Variants in GALNT18 observed in about 807,000 individuals in gnomAD.
GALNT18 encodes the protein polypeptide N-acetylgalactosaminyltransferase 18, also known as GalNAc-transferase 18.
In GALNT18, 44 loss-of-function variants were observed where a neutral mutation model predicts 69.5. That is an observed-to-expected ratio of 0.63 (90% confidence interval 0.50 to 0.81). The LOEUF is 0.81. GALNT18 is among the 40% of genes least tolerant of loss of function. The pLI is 0.00. For synonymous variants in GALNT18, 364 were observed against 318.2 expected (o/e 1.14, Z -1.53); for missense variants, 715 against 810.0 (o/e 0.88, Z 1.42).
In GALNT18 at chr11:11,341,594, T is replaced by A. The variant is rs1285617289; in HGVS notation, c.1093-590A>T. 6.6e-6 allele frequency among the ~76,000 whole-genome samples: 1 copy of A among 152,172 alleles called. No homozygotes were observed. Among genetic ancestry groups the A allele is most frequent in the Non-Finnish European group, 1.5e-5 (1 of 68,020 alleles). On this transcript the variant is annotated intron_variant, in intron 6 of 10. Coordinates refer to ENST00000227756, the MANE Select transcript of GALNT18 (RefSeq NM_198516.3). The surrounding 1 kb of genome is among the most constrained non-coding windows in gnomAD (Gnocchi z 6.3). ...ATATTAAACTTCTTAGCAACCTTGG[T>A]GAATAGGAGATTGATCCGAATGCAA...
intron 3 of GALNT18, among the ~76,000 whole-genome samples, chr11:11,393,687 G>A (rs1366618562): frequency 6.6e-6 from 1 of 152,238 alleles, no homozygotes; most frequent in African/African-American, 2.4e-5. Context: ...ATCAGGACAG[G>A]TGGGATGGAC....
chr11:11,553,458 G>C (rs559056287), intron 1 of GALNT18, among the ~76,000 whole-genome samples: 2 of 152,350 alleles, frequency 1.3e-5, no homozygotes, highest in Non-Finnish European at 2.9e-5. Flanking sequence ...CCAGGGCATG[G>C]ACGGGACCCA....
Position 11,564,368 on chromosome 11 carries a change from C to G in GALNT18, c.235+56991G>C, listed in dbSNP as rs921585978. Among the ~76,000 whole-genome samples the G allele has an allele frequency of 6.6e-6, 1 of 152,162 alleles. No homozygotes were observed. Among genetic ancestry groups the G allele is most frequent in the Non-Finnish European group, 1.5e-5 (1 of 68,024 alleles). On this transcript the variant is annotated intron_variant, in intron 1 of 10. Coordinates refer to ENST00000227756, the MANE Select transcript of GALNT18 (RefSeq NM_198516.3). This position sits in a 1 kb window ranked among gnomAD's most constrained non-coding sequence, Gnocchi z 4.3. The stretch of plus-strand genomic sequence containing the variant: ...TCTGCTGGCAACTCCAGCTGAGAAC[C>G]CAAATCCCCGGAAGGATTCCAGGCA...
At chr11:11,530,323 C>T (rs949907218) in intron 1 of GALNT18, among the ~76,000 whole-genome samples, 1 of 152,184 alleles carries the variant, frequency 6.6e-6, no homozygotes, top group African/African-American at 2.4e-5. Context: ...GGAAGGCAGT[C>T]CTCTTCCCTG....
At chr11:11,409,134 A>C (rs576801871) in intron 3 of GALNT18, among the ~76,000 whole-genome samples, 3 of 152,200 alleles carry the variant, frequency 2.0e-5, no homozygotes, top group Admixed American at 1.3e-4. Flanking sequence ...CTACCAACAG[A>C]TGCCACTCCC....
At position 11,494,096 on chromosome 11, in the gene GALNT18, A is replaced by G. The variant is rs1856826165; in HGVS notation, c.236-45160T>C. Among the ~76,000 whole-genome samples the G allele has an allele frequency of 6.6e-6, 1 of 152,224 alleles. No individual in the cohort carries two copies. Among genetic ancestry groups the G allele is most frequent in the Non-Finnish European group, 1.5e-5 (1 of 68,040 alleles). On this transcript the variant is annotated intron_variant, in intron 1 of 10. Transcript: ENST00000227756. The surrounding 1 kb of genome is among the most constrained non-coding windows in gnomAD (Gnocchi z 5.7). ...GGATTTAGTGAAGCCATGCATATAAAGAACTTAGCACAGTACCTTGCATAT... is the reference window on the plus strand; with the variant it reads ...GGATTTAGTGAAGCCATGCATATAAGGAACTTAGCACAGTACCTTGCATAT...
rs191022196 is a variant in GALNT18 at position 11,577,680 on chromosome 11, C to A, written c.235+43679G>T. Reference sequence around the variant, plus strand: ...ATCGATTCAGAAGGGCTGGAGGATTCGGGACCATGCCCTAGGAAAGAGGGA... The same window carrying A: ...ATCGATTCAGAAGGGCTGGAGGATTAGGGACCATGCCCTAGGAAAGAGGGA... On this transcript the variant is annotated intron_variant, in intron 1 of 10. Coordinates refer to ENST00000227756, the MANE Select transcript of GALNT18 (RefSeq NM_198516.3). Among the ~76,000 whole-genome samples the A allele has an allele frequency of 3.2e-4, 48 of 152,282 alleles. No homozygotes were observed. In the East Asian group the frequency reaches 8.5e-3, roughly 27 times the overall value.
In GALNT18 at chr11:11,341,759, T is replaced by C. The variant is rs1411830825; in HGVS notation, c.1093-755A>G. 6.6e-6 allele frequency among the ~76,000 whole-genome samples: 1 copy of C among 152,106 alleles called. No homozygotes were observed. Among genetic ancestry groups the C allele is most frequent in the Non-Finnish European group, 1.5e-5 (1 of 68,026 alleles). On this transcript the variant is annotated intron_variant, in intron 6 of 10. Transcript: ENST00000227756. The surrounding 1 kb of genome is among the most constrained non-coding windows in gnomAD (Gnocchi z 6.3). ...TTTTGTGCTTCTAGGCTTTGCTCCATTCTGCTGGTAATTTTAGAATGCCCC... is the reference window on the plus strand; with the variant it reads ...TTTTGTGCTTCTAGGCTTTGCTCCACTCTGCTGGTAATTTTAGAATGCCCC...
chr11:11,432,507 A>G lies in GALNT18; in HGVS notation c.595+114T>C. The G allele has an allele frequency of 1.9e-6, 2 of 1,070,100 alleles. No homozygotes were observed. Among genetic ancestry groups the G allele is most frequent in the Non-Finnish European group, 2.7e-6 (2 of 750,540 alleles). 66.3% of individuals were successfully genotyped at this position (1,070,100 alleles called of 1,614,324 possible). A position where few individuals can be genotyped will look rare whatever the true frequency, so the allele number is the denominator to read the frequency against. ...ACCATGAATTTCTCATCTATGCTCC[A>G]GAGAAAGAGCAGCCACAGACAGCCT... is the stretch of plus-strand genomic sequence containing the variant. On this transcript the variant is annotated intron_variant, in intron 3 of 10. Coordinates refer to ENST00000227756, the MANE Select transcript of GALNT18 (RefSeq NM_198516.3). This position sits in a 1 kb window ranked among gnomAD's most constrained non-coding sequence, Gnocchi z 5.8.
chr11:11,327,264 C>T, intron 8 of GALNT18, 83 bp from the exon 9 acceptor site: 1 of 1,025,670 alleles, frequency 9.7e-7, no homozygotes, highest in East Asian at 2.4e-5. Context: ...AACAAGTATT[C>T]TGCTGAGACA....
At position 11,614,689 on chromosome 11, in the gene GALNT18, G is replaced by A. The variant is rs1450061580; in HGVS notation, c.235+6670C>T. 6.6e-6 allele frequency among the ~76,000 whole-genome samples: 1 copy of A among 152,134 alleles called. No homozygotes were observed. The highest frequency in any genetic ancestry group is 1.9e-4 in the East Asian group (1 of 5,196). ...ACTCTGAATCCCATAAATACCTTTG[G>A]GAAAACATAGGCCAGCCTAACCCAA... On this transcript the variant is annotated intron_variant, in intron 1 of 10. Coordinates refer to ENST00000227756, the MANE Select transcript of GALNT18 (RefSeq NM_198516.3). The surrounding 1 kb of genome is among the most constrained non-coding windows in gnomAD (Gnocchi z 5.6).
At chr11:11,452,883 A>ATC (rs1381963701) in intron 1 of GALNT18, among the ~76,000 whole-genome samples, 15 of 152,152 alleles carry the variant, frequency 9.9e-5, no homozygotes, top group Admixed American at 9.8e-4. Context: ...AGAGAAGCAC[A>ATC]TCTCCAGGGG....
chr11:11,367,559 G>A (rs1206436699), intron 6 of GALNT18, among the ~76,000 whole-genome samples: 1 of 152,144 alleles, frequency 6.6e-6, no homozygotes, highest in Non-Finnish European at 1.5e-5. Flanking sequence ...GAGGAGAGGG[G>A]TCTTTTCTCT....
chr11:11,332,686 C>T lies in GALNT18; in HGVS notation c.1416+8G>A. On this transcript the variant is annotated splice_region_variant and intron_variant, in intron 8 of 10. Coordinates refer to ENST00000227756, the MANE Select transcript of GALNT18 (RefSeq NM_198516.3). This position sits in a 1 kb window ranked among gnomAD's most constrained non-coding sequence, Gnocchi z 4.3. ...CTGAATGAAACCCGGAGGAGGCCAG[C>T]TCCTTACCACTCCATAGGCAATGAT... is the stretch of plus-strand genomic sequence containing the variant. The T allele has an allele frequency of 6.2e-7, 1 of 1,613,988 alleles. No homozygotes were observed. Among genetic ancestry groups the T allele is most frequent in the African/African-American group, 1.3e-5 (1 of 75,028 alleles).
At chr11:11,400,355 C>T (rs1854431981) in intron 3 of GALNT18, among the ~76,000 whole-genome samples, 1 of 152,174 alleles carries the variant, frequency 6.6e-6, no homozygotes, top group Non-Finnish European at 1.5e-5. Context: ...TGTTACATGG[C>T]AATAGATAGT....
chr11:11,400,155 C>T (rs1228514615), intron 3 of GALNT18, among the ~76,000 whole-genome samples: 1 of 152,104 alleles, frequency 6.6e-6, no homozygotes, highest in Non-Finnish European at 1.5e-5. Context: ...ACTGCCATGT[C>T]ATGAGAAAAG....
rs1848820155 is a variant in GALNT18 at position 11,271,246 on chromosome 11, C to T, written c.1722G>A (p.Leu574=). Reference sequence around the variant, plus strand: ...CGAACTCCAGGTCGCTATTCTCCTGCAGCTCCAGACAGCGCTTAGACTTGC... The same window carrying T: ...CGAACTCCAGGTCGCTATTCTCCTGTAGCTCCAGACAGCGCTTAGACTTGC... ...QNRKSKRCLE[L]QENSDLEFGF... Residue 574 remains leucine (L), a synonymous_variant, in exon 11 of 11, where the codon CTG becomes CTA. Coordinates refer to ENST00000227756, the MANE Select transcript of GALNT18 (RefSeq NM_198516.3). The T allele has an allele frequency of 6.2e-7, 1 of 1,614,144 alleles. No homozygotes were observed. Among genetic ancestry groups the T allele is most frequent in the Non-Finnish European group, 8.5e-7 (1 of 1,180,014 alleles).
rs781037524 is a variant in GALNT18 at position 11,459,968 on chromosome 11, A to G, written c.236-11032T>C. 3.5e-4 allele frequency among the ~76,000 whole-genome samples: 53 copies of G among 152,138 alleles called. No individual in the cohort carries two copies. Among genetic ancestry groups the G allele is most frequent in the Middle Eastern group, 3.2e-3 (1 of 316 alleles). On this transcript the variant is annotated intron_variant, in intron 1 of 10. Transcript: ENST00000227756. This position sits in a 1 kb window ranked among gnomAD's most constrained non-coding sequence, Gnocchi z 5.0. ...TTCCCAGTTTCCAGAGGCTGCCTGC[A>G]TTCCTTGGCTTATGGCCTCTTCCTC...
chr11:11,389,893 C>T lies in GALNT18; in HGVS notation c.596-10629G>A, dbSNP rs565678013. ...CCTTAGCAGTTAAGCCAGAGGCCAA[C>T]TTGAATTTTGGTGCTGGCTTCTCCT... On this transcript the variant is annotated intron_variant, in intron 3 of 10. Coordinates refer to ENST00000227756, the MANE Select transcript of GALNT18 (RefSeq NM_198516.3). The surrounding 1 kb of genome is among the most constrained non-coding windows in gnomAD (Gnocchi z 4.3). Among the ~76,000 whole-genome samples the T allele has an allele frequency of 2.0e-5, 3 of 152,266 alleles. No homozygotes were observed. In the South Asian group the frequency reaches 6.2e-4, roughly 32 times the overall value.
Sources: gnomAD v4.1 joint callset for allele counts (sites outside exome capture counted in the v4.1 genomes callset) on GRCh38, gnomAD v4.1.1 for gene constraint, Gnocchi (gnomAD v3.1) non-coding constraint, MANE v1.5 for transcripts, NCBI Gene and HGNC (gene_info 2026-07-23, HGNC 2026-07-21) for gene names.